The following NCALD variants were observed in gnomAD, a reference collection of about 807,000 sequenced individuals.
NCALD encodes the protein neurocalcin delta, also known as neurocalcin-delta.
Under a neutral mutation model 18.6 loss-of-function variants are expected in NCALD, and 10 were observed. That is an observed-to-expected ratio of 0.54 (90% CI 0.33 to 0.91). The LOEUF (loss-of-function observed/expected upper bound fraction) is 0.91, where lower values mean the gene tolerates loss of function less well. NCALD is among the 40% of genes least tolerant of loss of function. NCALD has a pLI of 0.03. For synonymous variants in NCALD, 88 were observed against 87.4 expected (o/e 1.01, Z -0.04); for missense variants, 184 against 247.6 (o/e 0.74, Z 1.72).
intron 4 of NCALD, among the ~76,000 whole-genome samples, chr8:101,812,558 G>T (rs948862248): frequency 2.6e-5 from 4 of 152,136 alleles, no homozygotes; most frequent in African/African-American, 9.7e-5. Context: ...GAAATCCTCA[G>T]TTGACAGTAA....
At chr8:102,050,163 C>T (rs1481738437) in intron 1 of NCALD, among the ~76,000 whole-genome samples, 2 of 18,352 alleles carry the variant, frequency 1.1e-4, no homozygotes, top group Admixed American at 1.8e-3. Flanking sequence ...AGCGAGACTC[C>T]GTCTCAAAAA....
Position 102,040,552 on chromosome 8 carries a change from G to C in NCALD, c.-209-20263C>G, listed in dbSNP as rs1586964969. 2.0e-5 allele frequency among the ~76,000 whole-genome samples: 3 copies of C among 152,122 alleles called. No individual in the cohort carries two copies. The East Asian group carries it at 5.8e-4, about 29-fold the overall frequency. Reference sequence around the variant, plus strand: ...TAAAGAGCTTGTGTATCAACCTAGAGAAAGGTAACCTGTAGCTGGGAAAGA... The same window carrying C: ...TAAAGAGCTTGTGTATCAACCTAGACAAAGGTAACCTGTAGCTGGGAAAGA... On this transcript the variant is annotated intron_variant, in intron 1 of 6. Transcript: ENST00000311028.
intron 1 of NCALD, among the ~76,000 whole-genome samples, chr8:101,743,725 C>T (rs895255843): frequency 6.6e-6 from 1 of 152,166 alleles, no homozygotes; most frequent in Non-Finnish European, 1.5e-5. Flanking sequence ...AAACCAATCT[C>T]TTCATGAATT....
chr8:101,708,356 A>G (rs902694860), intron 2 of NCALD, among the ~76,000 whole-genome samples: 2 of 152,338 alleles, frequency 1.3e-5, no homozygotes, highest in East Asian at 3.9e-4. Flanking sequence ...ATTTCCACCA[A>G]TTGGAGATTT....
In NCALD at chr8:101,809,843, C is replaced by T. The variant is rs994712456; in HGVS notation, c.-20+77298G>A. Among the ~76,000 whole-genome samples the T allele has an allele frequency of 3.3e-5, 5 of 152,274 alleles. No homozygotes were observed. In the East Asian group the frequency reaches 9.6e-4, roughly 29 times the overall value. ...TACAGGTGTGAACCACCGCACTTGG[C>T]CTGCTCTCTTTTTTTTAAAGATTGT... is the stretch of plus-strand genomic sequence containing the variant. On this transcript the variant is annotated intron_variant, in intron 4 of 6. Transcript: ENST00000311028.
chr8:101,732,992 A>G (rs1816910923), intron 1 of NCALD, among the ~76,000 whole-genome samples: 1 of 152,128 alleles, frequency 6.6e-6, no homozygotes, highest in Non-Finnish European at 1.5e-5. Flanking sequence ...TCCAAGGATA[A>G]GGGGTGTAGA....
intron 2 of NCALD, among the ~76,000 whole-genome samples, chr8:101,984,747 A>C (rs1382956764): frequency 6.6e-6 from 1 of 152,200 alleles, no homozygotes; most frequent in Non-Finnish European, 1.5e-5. Context: ...CCTTTTGAGC[A>C]AGATCAAGGG....
intron 1 of NCALD, among the ~76,000 whole-genome samples, chr8:102,089,649 A>G (rs948482078): frequency 1.3e-5 from 2 of 152,162 alleles, no homozygotes; most frequent in African/African-American, 4.8e-5. Flanking sequence ...TGTGTAAAGA[A>G]AGTGAAAGGT....
At chr8:101,949,448 T>C (rs1485876264) in intron 2 of NCALD, among the ~76,000 whole-genome samples, 1 of 152,078 alleles carries the variant, frequency 6.6e-6, no homozygotes, top group African/African-American at 2.4e-5. Flanking sequence ...GGCTTTCACC[T>C]GCAGAACTCC....
chr8:101,961,839 G>GA (rs1430920819), intron 2 of NCALD, among the ~76,000 whole-genome samples: 1 of 151,864 alleles, frequency 6.6e-6, no homozygotes, highest in Non-Finnish European at 1.5e-5. Flanking sequence ...AATTTCCAAA[G>GA]AAAAAACAGA....
intron 2 of NCALD, among the ~76,000 whole-genome samples, chr8:101,932,270 T>C (rs1010694140): frequency 3.9e-5 from 6 of 152,248 alleles, no homozygotes; most frequent in African/African-American, 1.4e-4. Flanking sequence ...CTGAGGACAG[T>C]CCTCAGCCAA....
intron 2 of NCALD, among the ~76,000 whole-genome samples, chr8:101,957,102 G>A (rs1819655494): frequency 1.3e-5 from 2 of 152,034 alleles, no homozygotes; most frequent in African/African-American, 2.4e-5. Flanking sequence ...TTCTTGCTTT[G>A]TTGAGAGGGA....
chr8:101,840,922 A>G (rs1187790754), intron 4 of NCALD, among the ~76,000 whole-genome samples: 1 of 152,206 alleles, frequency 6.6e-6, no homozygotes, highest in Non-Finnish European at 1.5e-5. Flanking sequence ...TTACCAACCT[A>G]CCAAAGCAAG....
chr8:101,991,594 C>T (rs1030886612), intron 2 of NCALD, among the ~76,000 whole-genome samples: 10 of 152,024 alleles, frequency 6.6e-5, no homozygotes, highest in South Asian at 6.2e-4. Flanking sequence ...CAAGAAAGTT[C>T]GGGAAGGGCT....
At chr8:101,746,954 G>C (rs1810451301) in intron 1 of NCALD, among the ~76,000 whole-genome samples, 2 of 152,096 alleles carry the variant, frequency 1.3e-5, no homozygotes, top group South Asian at 4.1e-4. Context: ...TTAGGGCAAA[G>C]ATGTTCCAAT....
At chr8:101,726,958 T>C (rs1816599620) in intron 1 of NCALD, among the ~76,000 whole-genome samples, 1 of 152,086 alleles carries the variant, frequency 6.6e-6, no homozygotes, top group African/African-American at 2.4e-5. Context: ...AAGGAGCCAG[T>C]AAAGGAGAAC....
chr8:101,799,463 C>A (rs1377747510), intron 4 of NCALD, among the ~76,000 whole-genome samples: 2 of 152,148 alleles, frequency 1.3e-5, no homozygotes, highest in South Asian at 4.1e-4. Context: ...AACACAAAAA[C>A]CTGAACCTGC....
chr8:101,849,964 TC>T (rs1339599265), intron 4 of NCALD, among the ~76,000 whole-genome samples: 1 of 152,158 alleles, frequency 6.6e-6, no homozygotes, highest in South Asian at 2.1e-4. Flanking sequence ...TAAGAGGTGT[TC>T]CCCCACTCCC....
At chr8:101,773,098 G>A (rs1238035413) in intron 1 of NCALD, among the ~76,000 whole-genome samples, 1 of 152,114 alleles carries the variant, frequency 6.6e-6, no homozygotes, top group Non-Finnish European at 1.5e-5. Flanking sequence ...TAGTGATTGA[G>A]CCAGGATTTG....
Sources: allele counts gnomAD v4.1 joint callset (sites outside exome capture counted in the v4.1 genomes callset), GRCh38; gene constraint gnomAD v4.1.1; transcripts MANE v1.5; gene names NCBI Gene and HGNC (gene_info 2026-07-23, HGNC 2026-07-21).